The following FOXP2 variants were observed in gnomAD, a reference collection of about 807,000 sequenced individuals.
FOXP2 encodes forkhead box protein P2.
Under a neutral mutation model 115.8 loss-of-function variants are expected in FOXP2, and 12 were observed. The ratio of observed to expected loss-of-function variants is 0.10; its 90% CI spans 0.07 to 0.17. The LOEUF is 0.17. Ranked by LOEUF, FOXP2 falls within the 10% of genes least tolerant of loss-of-function variation. The pLI is 1.00. For synonymous variants in FOXP2, 328 were observed against 297.7 expected (o/e 1.10, Z -1.05); for missense variants, 629 against 843.5 (o/e 0.75, Z 3.15).
At chr7:114,126,335 T>C (rs1017310606) in intron 1 of FOXP2, among the ~76,000 whole-genome samples, 4 of 152,100 alleles carry the variant, frequency 2.6e-5, no homozygotes, top group African/African-American at 7.2e-5. Context: ...CATATGTATG[T>C]GTCAGTATGT....
intron 6 of FOXP2, among the ~76,000 whole-genome samples, chr7:114,638,549 T>C (rs1490591631): frequency 6.6e-6 from 1 of 152,312 alleles, no homozygotes; most frequent in East Asian, 1.9e-4. Context: ...ATTTCATAAG[T>C]AGTTTTGTAA....
intron 3 of FOXP2, among the ~76,000 whole-genome samples, chr7:114,567,138 A>G (rs1022152460): frequency 1.3e-5 from 2 of 152,124 alleles, no homozygotes; most frequent in Non-Finnish European, 2.9e-5. Context: ...AACCTTTATA[A>G]TATGTAATAG....
upstream of FOXP2, among the ~76,000 whole-genome samples, chr7:114,410,881 AAAAAG>A (rs1325808148): frequency 1.3e-5 from 2 of 152,172 alleles, no homozygotes; most frequent in African/African-American, 4.8e-5. Flanking sequence ...AGCCAAAAAA[AAAAAG>A]AAAAGACTTG....
intron 6 of FOXP2, among the ~76,000 whole-genome samples, chr7:114,632,502 A>T (rs1426603278): frequency 6.6e-6 from 1 of 152,214 alleles, no homozygotes. Flanking sequence ...TCTAACTTGC[A>T]TTTGGATTTT....
At position 114,426,661 on chromosome 7, in the gene FOXP2, G is replaced by C; in HGVS notation, c.150G>C (p.Leu50=). Residue 50 remains leucine (L), a synonymous_variant, in exon 2 of 17, where the codon CTG becomes CTC. Coordinates refer to ENST00000350908, the MANE Select transcript of FOXP2 (RefSeq NM_014491.4). ...CTGAAGTAAGCACAGTAGAACTGCT[G>C]CATCTGCAACAACAGCAGGTAAGTT... ...TSSEVSTVEL[L]HLQQQQALQA... The C allele has an allele frequency of 3.1e-6, 5 of 1,611,132 alleles. No individual in the cohort carries two copies. The highest frequency in any genetic ancestry group is 4.2e-6 in the Non-Finnish European group (5 of 1,178,052).
intron 3 of FOXP2, among the ~76,000 whole-genome samples, chr7:114,609,570 CT>C (rs1803521923): frequency 6.6e-6 from 1 of 152,166 alleles, no homozygotes; most frequent in Non-Finnish European, 1.5e-5. Context: ...AATGTCTTTT[CT>C]ATGCCTTGGT....
intron 1 of FOXP2, among the ~76,000 whole-genome samples, chr7:114,195,031 G>C (rs577036022): frequency 2.0e-5 from 3 of 152,068 alleles, no homozygotes; most frequent in Admixed American, 6.6e-5. Flanking sequence ...TGAGGCAAAT[G>C]CATTTAAACC....
At chr7:114,196,044 C>T (rs925483198) in intron 1 of FOXP2, among the ~76,000 whole-genome samples, 5 of 152,132 alleles carry the variant, frequency 3.3e-5, no homozygotes, top group African/African-American at 9.7e-5. Context: ...GGCAGAGTCT[C>T]GCTCTGTCAC....
intron 3 of FOXP2, among the ~76,000 whole-genome samples, chr7:114,603,349 A>G (rs1803135240): frequency 1.3e-5 from 2 of 152,176 alleles, no homozygotes; most frequent in South Asian, 4.1e-4. Context: ...TTGGGTATTA[A>G]ATTACTTTCC....
chr7:114,415,486 A>G, intron 1 of FOXP2, 126 bp downstream of exon 1: 1 of 363,334 alleles, frequency 2.8e-6, no homozygotes, highest in Non-Finnish European at 5.3e-6. Context: ...TAGCTCATTG[A>G]AATGAACTAG....
rs1444225150 is a variant in FOXP2, at chr7:114,629,593, A to G, written c.397-212A>G. On this transcript the variant is annotated intron_variant, in intron 4 of 16. Transcript: ENST00000350908. ...GACTTTCTATACCCTTTTGTTTAGG[A>G]TTTTTTGGATTCTGGATTGGAAAAT... 10 of 1,548,082 alleles carry G rather than the reference A, an allele frequency of 6.5e-6. 1 individual carries two copies. In the South Asian group the frequency reaches 1.2e-4, roughly 18 times the overall value.
intron 2 of FOXP2, among the ~76,000 whole-genome samples, chr7:114,457,767 A>G (rs770196893): frequency 2.4e-4 from 36 of 152,078 alleles, no homozygotes; most frequent in African/African-American, 4.1e-4. Context: ...GCGTGGTGGC[A>G]GGTGCCTGTA....
At chr7:114,156,791 G>C (rs1422437783) in intron 1 of FOXP2, among the ~76,000 whole-genome samples, 1 of 151,936 alleles carries the variant, frequency 6.6e-6, no homozygotes, top group Non-Finnish European at 1.5e-5. Context: ...GTATGTAGTG[G>C]GCCTTAGGAA....
intron 1 of FOXP2, among the ~76,000 whole-genome samples, chr7:114,419,294 A>G (rs1020136699): frequency 1.3e-5 from 2 of 152,002 alleles, no homozygotes; most frequent in African/African-American, 2.4e-5. Flanking sequence ...TTCATTTTAC[A>G]TAGGACAAGA....
At chr7:114,573,313 A>G (rs1801412322) in intron 3 of FOXP2, among the ~76,000 whole-genome samples, 2 of 151,860 alleles carry the variant, frequency 1.3e-5, no homozygotes, top group African/African-American at 2.4e-5. Flanking sequence ...TAAAATCAAT[A>G]TACTAACCAG....
chr7:114,194,210 A>G (rs866169801), intron 1 of FOXP2, among the ~76,000 whole-genome samples: 3 of 152,120 alleles, frequency 2.0e-5, no homozygotes, highest in East Asian at 3.8e-4. Flanking sequence ...TCTCTTCATT[A>G]CATCAAGTAT....
At chr7:114,468,290 AG>A (rs1485342218) in intron 2 of FOXP2, among the ~76,000 whole-genome samples, 74 of 152,192 alleles carry the variant, frequency 4.9e-4, no homozygotes, top group African/African-American at 1.8e-3. Context: ...TATTCAATCC[AG>A]GACCAAATTC....
At chr7:114,433,847 GAATATTAGTCATTAATTAGA>G (rs1412323825) in intron 2 of FOXP2, among the ~76,000 whole-genome samples, 1 of 151,888 alleles carries the variant, frequency 6.6e-6, no homozygotes, top group African/African-American at 2.4e-5. Flanking sequence ...TGGCTTACAT[GAATATTAGTCATTAATTAGA>G]AAATGATTCA....
chr7:114,609,881 C>A (rs1584948494), intron 3 of FOXP2, among the ~76,000 whole-genome samples: 1 of 152,218 alleles, frequency 6.6e-6, no homozygotes, highest in African/African-American at 2.4e-5. Context: ...TCACATTCAG[C>A]ATTATCACTT....
Sources: gnomAD v4.1 joint callset for allele counts (sites outside exome capture counted in the v4.1 genomes callset) on GRCh38, gnomAD v4.1.1 for gene constraint, MANE v1.5 for transcripts, NCBI Gene and HGNC (gene_info 2026-07-23, HGNC 2026-07-21) for gene names.